The following FRMPD4 variants were observed in gnomAD, a reference collection of about 807,000 sequenced individuals.
The protein encoded by FRMPD4 is FERM and PDZ domain-containing protein 4.
A neutral mutation model predicts 94.1 loss-of-function variants in FRMPD4; 22 were observed. The observed-to-expected ratio is 0.23, with a 90% confidence interval of 0.17 to 0.33. The LOEUF is 0.33. FRMPD4 is among the 10% of genes least tolerant of loss of function. FRMPD4 has a pLI of 1.00. For synonymous variants in FRMPD4, 631 were observed against 548.6 expected, an observed-to-expected ratio of 1.15 and a Z score of -2.10; for missense variants, 1,111 against 1,339.9, an observed-to-expected ratio of 0.83 and a Z score of 2.67.
At chrX:12,446,639 C>T (rs138118386) in intron 1 of FRMPD4, among the ~76,000 whole-genome samples, 319 of 111,642 alleles carry the variant, frequency 2.9e-3, no homozygotes, top group African/African-American at 9.5e-3. Context: ...TAAGGGGGAA[C>T]GCCTTTTGCT....
At chrX:11,986,451 A>G (rs756680444) in intron 3 of FRMPD4, among the ~76,000 whole-genome samples, 1 of 112,130 alleles carries the variant, frequency 8.9e-6, no homozygotes, top group Non-Finnish European at 1.9e-5. Flanking sequence ...ATTTATAGCT[A>G]TAAGTGCCTA....
intron 2 of FRMPD4, among the ~76,000 whole-genome samples, chrX:12,530,423 C>T (rs918368404): frequency 4.5e-5 from 5 of 111,063 alleles, no homozygotes; most frequent in African/African-American, 1.6e-4. Flanking sequence ...TAGAGAGCCA[C>T]TGAAGATCTC....
At chrX:12,547,612 T>C (rs2058492344) in intron 2 of FRMPD4, among the ~76,000 whole-genome samples, 1 of 112,245 alleles carries the variant, frequency 8.9e-6, no homozygotes, top group Non-Finnish European at 1.9e-5. Flanking sequence ...TATGACATAA[T>C]GGCAAGGGAT....
At chrX:12,157,919 A>G (rs996049664) in intron 1 of FRMPD4, among the ~76,000 whole-genome samples, 10 of 112,128 alleles carry the variant, frequency 8.9e-5, no homozygotes, top group Admixed American at 5.7e-4. Context: ...GTGTATTACA[A>G]GCTTATAGAA....
chrX:12,227,805 A>G (rs767686578), intron 1 of FRMPD4, among the ~76,000 whole-genome samples: 1 of 102,318 alleles, frequency 9.8e-6, no homozygotes, highest in South Asian at 4.7e-4. Context: ...TGTCTTAAAG[A>G]AAAAAAAGAG....
At chrX:12,268,477 G>C (rs758938596) in intron 1 of FRMPD4, among the ~76,000 whole-genome samples, 1 of 112,072 alleles carries the variant, frequency 8.9e-6, no homozygotes, top group South Asian at 3.8e-4. Flanking sequence ...AATTGTTCCA[G>C]GTCATCCCAC....
At chrX:12,326,838 G>A (rs775503061) in intron 1 of FRMPD4, among the ~76,000 whole-genome samples, 7 of 110,632 alleles carry the variant, frequency 6.3e-5, no homozygotes, top group South Asian at 3.9e-4. Context: ...GGTGGTGTGC[G>A]CCTGTAGTAG....
chrX:12,712,584 A>G (rs2042006402), intron 14 of FRMPD4, among the ~76,000 whole-genome samples: 1 of 111,596 alleles, frequency 9.0e-6, no homozygotes, highest in Non-Finnish European at 1.9e-5. Context: ...AACGTGATAG[A>G]AACACAGAAA....
chrX:12,063,670 T>C, intron 3 of FRMPD4, among the ~76,000 whole-genome samples: 1 of 112,419 alleles, frequency 8.9e-6, no homozygotes, highest in South Asian at 3.7e-4. Context: ...GCAGGATCAC[T>C]TGAGCCTAGG....
At chrX:12,336,765 G>A (rs1432459434) in intron 1 of FRMPD4, among the ~76,000 whole-genome samples, 2 of 111,801 alleles carry the variant, frequency 1.8e-5, no homozygotes, top group African/African-American at 6.5e-5. Flanking sequence ...AGGTCACACC[G>A]CTGGTTCAGG....
chrX:12,642,321 T>C (rs777536429), intron 4 of FRMPD4, among the ~76,000 whole-genome samples: 1 of 111,851 alleles, frequency 8.9e-6, no homozygotes, highest in Non-Finnish European at 1.9e-5. Flanking sequence ...CAGTAGAAGA[T>C]TCTCATTGTC....
chrX:11,911,069 A>G (rs2053994451), intron 3 of FRMPD4, among the ~76,000 whole-genome samples: 1 of 112,393 alleles, frequency 8.9e-6, no homozygotes, highest in Middle Eastern at 4.6e-3. Flanking sequence ...GTAAAGGGAT[A>G]GATGGTTAGG....
rs1569293664 is a variant in FRMPD4 at position 12,479,449 on chromosome X, T to TATATATATACAC, written c.42-19225_42-19224insATACACATATAT. ...GTATATATATACACACATATATGTA[T>TATATATATACAC]ATATATGTATATATGTATATATATG... is the stretch of plus-strand genomic sequence containing the variant. On this transcript the variant is annotated intron_variant, in intron 1 of 16. Transcript: ENST00000675598. 3.0e-3 allele frequency among the ~76,000 whole-genome samples: 306 copies of TATATATATACAC among 101,518 alleles called. 5 individuals carry two copies. The highest frequency in any genetic ancestry group is 0.011 in the African/African-American group (283 of 26,825). 88.2% of individuals were successfully genotyped at this position (101,518 alleles called of 115,157 possible). A position where few individuals can be genotyped will look rare whatever the true frequency, so the allele number is the denominator to read the frequency against.
chrX:12,376,834 G>C (rs1475167749), intron 1 of FRMPD4, among the ~76,000 whole-genome samples: 1 of 112,749 alleles, frequency 8.9e-6, no homozygotes, highest in Admixed American at 9.3e-5. Flanking sequence ...CATAAGCCCT[G>C]GTTAAAGTGA....
chrX:12,555,962 T>C (rs1202332523), intron 2 of FRMPD4, among the ~76,000 whole-genome samples: 1 of 110,997 alleles, frequency 9.0e-6, no homozygotes, highest in East Asian at 2.8e-4. Context: ...TTGGAGTGCA[T>C]TGGTTATTCA....
chrX:12,594,717 G>A (rs1194937946), intron 2 of FRMPD4, among the ~76,000 whole-genome samples: 1 of 111,628 alleles, frequency 9.0e-6, no homozygotes, highest in Non-Finnish European at 1.9e-5. Context: ...TTACAAGCAT[G>A]AGCCACCGTA....
intron 3 of FRMPD4, among the ~76,000 whole-genome samples, chrX:12,118,957 G>C (rs1156286229): frequency 1.8e-5 from 2 of 110,895 alleles, no homozygotes; most frequent in Middle Eastern, 9.3e-3. Context: ...GGATCTCAAG[G>C]ACTCCCAGAT....
chrX:12,092,562 C>T (rs1282300312), intron 3 of FRMPD4, among the ~76,000 whole-genome samples: 3 of 111,769 alleles, frequency 2.7e-5, no homozygotes, highest in East Asian at 2.8e-4. Context: ...TGGCAGAGCA[C>T]AACAAATGTG....
At chrX:12,588,312 G>A (rs151163402) in intron 2 of FRMPD4, among the ~76,000 whole-genome samples, 2,562 of 112,297 alleles carry the variant, frequency 0.023, 18 homozygotes, top group African/African-American at 0.031. Flanking sequence ...AATGATGAAG[G>A]AAACTTCATG....
Sources: allele counts gnomAD v4.1 joint callset (sites outside exome capture counted in the v4.1 genomes callset), GRCh38; gene constraint gnomAD v4.1.1; transcripts MANE v1.5; gene names NCBI Gene and HGNC (gene_info 2026-07-23, HGNC 2026-07-21).